PTK2: variants seen among roughly 807,000 people sequenced by gnomAD.
PTK2 encodes the protein focal adhesion kinase 1.
In PTK2, 45 loss-of-function variants were observed where a neutral mutation model predicts 150.1. The observed-to-expected ratio is 0.30, with a 90% CI of 0.24 to 0.38. The LOEUF (loss-of-function observed/expected upper bound fraction) is 0.38, where lower values mean the gene tolerates loss of function less well. PTK2 is among the 10% of genes least tolerant of loss of function. PTK2 has a pLI of 1.00. For synonymous variants in PTK2, 432 were observed against 449.2 expected (o/e 0.96, Z 0.48); for missense variants, 919 against 1,307.3 (o/e 0.70, Z 4.58).
At chr8:140,970,545 G>A (rs780453146) in intron 1 of PTK2, among the ~76,000 whole-genome samples, 3 of 152,212 alleles carry the variant, frequency 2.0e-5, no homozygotes, top group Non-Finnish European at 2.9e-5. Flanking sequence ...AACCTTGTCA[G>A]CAAATAATGT....
intron 2 of PTK2, among the ~76,000 whole-genome samples, chr8:140,894,756 A>G (rs2100155475): frequency 6.6e-6 from 1 of 152,240 alleles, no homozygotes. Context: ...CTGGTTACAC[A>G]TGGGAGAGGT....
At chr8:140,977,357 C>G (rs2100189641) in intron 1 of PTK2, among the ~76,000 whole-genome samples, 1 of 152,344 alleles carries the variant, frequency 6.6e-6, no homozygotes, top group South Asian at 2.1e-4. Flanking sequence ...GGCGCGGTAG[C>G]TCACGTCTGT....
At chr8:140,804,876 T>C (rs925500259) in intron 10 of PTK2, among the ~76,000 whole-genome samples, 2 of 152,212 alleles carry the variant, frequency 1.3e-5, no homozygotes, top group Non-Finnish European at 2.9e-5. Context: ...TCTCATAGCA[T>C]GTCCCACAGC....
intron 13 of PTK2, among the ~76,000 whole-genome samples, chr8:140,790,486 G>C (rs2100087783): frequency 6.6e-6 from 1 of 152,158 alleles, no homozygotes; most frequent in South Asian, 2.1e-4. Context: ...ACAAATATTT[G>C]ACTGCAACCT....
At chr8:140,746,341 A>C (rs975182037) in intron 18 of PTK2, 1 of 154,038 alleles carries the variant, frequency 6.5e-6, no homozygotes, top group African/African-American at 2.4e-5. Context: ...TCAAAAAATG[A>C]GATGCTACAA....
chr8:140,996,241 T>C lies in PTK2; in HGVS notation c.-122+4884A>G, dbSNP rs113668709. Among the ~76,000 whole-genome samples, 848 of 152,260 alleles carry C rather than the reference T, an allele frequency of 5.6e-3. 10 individuals carry two copies. Among genetic ancestry groups the C allele is most frequent in the African/African-American group, 0.019 (774 of 41,548 alleles). On this transcript the variant is annotated intron_variant, in intron 1 of 31. Coordinates refer to ENST00000522684, the Ensembl canonical transcript of PTK2. ...AGCTCCTCCTCTTCAATTCTGTAAA[T>C]TGATGTGAGGAAGCTACAGAAAAGC...
intron 10 of PTK2, among the ~76,000 whole-genome samples, chr8:140,805,320 G>C (rs1227580693): frequency 3.3e-5 from 5 of 152,108 alleles, no homozygotes; most frequent in Non-Finnish European, 4.4e-5. Flanking sequence ...CTGCACTTTG[G>C]TAGGATGAGG....
intron 16 of PTK2, among the ~76,000 whole-genome samples, chr8:140,756,319 T>G (rs1235359895): frequency 7.5e-6 from 1 of 133,996 alleles, no homozygotes; most frequent in Non-Finnish European, 1.6e-5. Context: ...CAAGGCTCCA[T>G]CTCAAAAAAA....
At chr8:140,727,931 C>CA (rs2100046901) in intron 22 of PTK2, among the ~76,000 whole-genome samples, 1 of 152,098 alleles carries the variant, frequency 6.6e-6, no homozygotes, top group Admixed American at 6.5e-5. Flanking sequence ...CGCGGTGGCT[C>CA]ACACCTGTAA....
At chr8:140,920,388 T>C (rs966038767) in intron 2 of PTK2, among the ~76,000 whole-genome samples, 1 of 152,168 alleles carries the variant, frequency 6.6e-6, no homozygotes, top group African/African-American at 2.4e-5. Flanking sequence ...GAGTTTCAAA[T>C]TGAATATACA....
exon 2 of PTK2, chr8:140,925,668 C>T: frequency 1.0e-6 from 1 of 985,334 alleles, no homozygotes; most frequent in Non-Finnish European, 1.2e-6. Flanking sequence ...TACCTCCCTT[C>T]CGTTATTCTT....
At chr8:140,926,785 G>C (rs539334112) in intron 1 of PTK2, among the ~76,000 whole-genome samples, 23 of 152,234 alleles carry the variant, frequency 1.5e-4, no homozygotes, top group African/African-American at 4.8e-4. Context: ...CTGCCAATTG[G>C]ATAAGACAAT....
chr8:140,887,939 A>T (rs140698875), intron 3 of PTK2, among the ~76,000 whole-genome samples: 256 of 152,342 alleles, frequency 1.7e-3, no homozygotes, highest in African/African-American at 6.0e-3. Flanking sequence ...CGTAGCTATA[A>T]TGAGTTTAAG....
chr8:140,938,993 GA>G (rs545635026), intron 1 of PTK2, among the ~76,000 whole-genome samples: 15 of 139,072 alleles, frequency 1.1e-4, no homozygotes, highest in Middle Eastern at 3.8e-3. Flanking sequence ...TTTTTTTTTT[GA>G]AAAAAGAATA....
intron 1 of PTK2, among the ~76,000 whole-genome samples, chr8:140,962,277 A>AAGGGAGGG (rs1196068426): frequency 1.5e-5 from 2 of 131,556 alleles, no homozygotes; most frequent in Non-Finnish European, 3.3e-5. Context: ...GGGAGGGAGG[A>AAGGGAGGG]AGGGAGGGAG....
intron 25 of PTK2, among the ~76,000 whole-genome samples, chr8:140,702,347 G>C (rs1159718213): frequency 6.6e-6 from 1 of 150,376 alleles, no homozygotes; most frequent in African/African-American, 2.4e-5. Context: ...AGCATCCCGA[G>C]TAGCTGGGAC....
chr8:140,670,573 T>A (rs1485726503), intron 29 of PTK2, among the ~76,000 whole-genome samples: 1 of 120,892 alleles, frequency 8.3e-6, no homozygotes, highest in Non-Finnish European at 1.7e-5. Flanking sequence ...AAAACAAAAG[T>A]AGAACAGAAA....
intron 1 of PTK2, among the ~76,000 whole-genome samples, chr8:140,970,228 T>C (rs898204375): frequency 5.3e-5 from 8 of 152,190 alleles, no homozygotes; most frequent in African/African-American, 1.9e-4. Context: ...CTTCCAACAG[T>C]AGTGAAGGAC....
At chr8:140,669,260 TTAAAAA>T (rs1235979104) in intron 29 of PTK2, 1 of 141,606 alleles carries the variant, frequency 7.1e-6, no homozygotes, top group African/African-American at 2.7e-5. Flanking sequence ...TCAGCAGTAT[TTAAAAA>T]TTCCAACTGG....
Sources: allele counts gnomAD v4.1 joint callset (sites outside exome capture counted in the v4.1 genomes callset), GRCh38; gene constraint gnomAD v4.1.1; transcripts MANE v1.5; gene names NCBI Gene and HGNC (gene_info 2026-07-23, HGNC 2026-07-21).